OCA2: variants seen among roughly 807,000 people sequenced by gnomAD.
OCA2 encodes the protein P protein.
A neutral mutation model predicts 100.2 loss-of-function variants in OCA2; 77 were observed. That is an observed-to-expected ratio of 0.77 (90% confidence interval 0.64 to 0.93). OCA2 has a LOEUF of 0.93. Among genes scored for constraint, OCA2 ranks in the 40% least tolerant of loss-of-function variants. The pLI is 0.00. For missense variants in OCA2, 1,062 were observed against 1,089.1 expected (o/e 0.98, Z 0.35); for synonymous variants, 432 against 439.2 (o/e 0.98, Z 0.21).
At chr15:28,026,517 G>A (rs1480117327) in intron 4 of OCA2, among the ~76,000 whole-genome samples, 3 of 152,210 alleles carry the variant, frequency 2.0e-5, no homozygotes, top group Non-Finnish European at 4.4e-5. Flanking sequence ...TCATCAGGAA[G>A]AAGCTACAGG....
chr15:28,040,093 GCA>G (rs1388646692), intron 2 of OCA2, among the ~76,000 whole-genome samples: 1 of 151,850 alleles, frequency 6.6e-6, no homozygotes, highest in Non-Finnish European at 1.5e-5. Flanking sequence ...GACACCAGGA[GCA>G]CACATGCACT....
rs572016951 is a variant in OCA2, at chr15:27,978,625, CTTTACT to C, written c.1503+4714_1503+4719del. Reference sequence around the variant, plus strand: ...TGTTCTGATGAATCTTTTGCCATTCCTTTACTTTTAACTTGTGTCTATATGTATATA... The same window carrying C: ...TGTTCTGATGAATCTTTTGCCATTCCTTTAACTTGTGTCTATATGTATATA... On this transcript the variant is annotated intron_variant, in intron 14 of 23. Transcript: ENST00000354638. 2.9e-3 allele frequency among the ~76,000 whole-genome samples: 436 copies of C among 151,898 alleles called. 2 individuals are homozygous for C. Among genetic ancestry groups the C allele is most frequent in the Non-Finnish European group, 4.4e-3 (300 of 67,972 alleles).
downstream of OCA2, among the ~76,000 whole-genome samples, chr15:27,751,478 A>C (rs2030062750): frequency 6.6e-6 from 1 of 152,196 alleles, no homozygotes; most frequent in East Asian, 1.9e-4. Flanking sequence ...AATCATCAAA[A>C]ACAAGAAAAA....
At position 27,880,781 on chromosome 15, in the gene OCA2, A is replaced by C. The variant is rs978701689; in HGVS notation, c.2080-8859T>G. On this transcript the variant is annotated intron_variant, in intron 19 of 23. Coordinates refer to ENST00000354638, the MANE Select transcript of OCA2 (RefSeq NM_000275.3). ...GGACTGAGAGGATGGGGTTTTCTAGACATAGGATCATGTCATCTGCAAACA... is the reference window on the plus strand; with the variant it reads ...GGACTGAGAGGATGGGGTTTTCTAGCCATAGGATCATGTCATCTGCAAACA... Among the ~76,000 whole-genome samples the C allele has an allele frequency of 3.9e-5, 6 of 152,166 alleles. No individual in the cohort carries two copies. In the South Asian group the frequency reaches 1.2e-3, roughly 31 times the overall value.
chr15:27,843,365 G>C (rs1483173658), intron 23 of OCA2, among the ~76,000 whole-genome samples: 1 of 152,196 alleles, frequency 6.6e-6, no homozygotes, highest in Non-Finnish European at 1.5e-5. Flanking sequence ...TGTGCTCTGG[G>C]TCTGACCCTC....
At chr15:27,882,227 C>T (rs2594885) in intron 19 of OCA2, among the ~76,000 whole-genome samples, 64,076 of 151,946 alleles carry the variant, frequency 0.42, 15,359 homozygotes, top group African/African-American at 0.63. Flanking sequence ...TCCACAGCTG[C>T]ATGAGCTCTG....
At chr15:27,792,093 T>C (rs562115844) in intron 23 of OCA2, among the ~76,000 whole-genome samples, 119 of 152,300 alleles carry the variant, frequency 7.8e-4, no homozygotes, top group African/African-American at 2.8e-3. Flanking sequence ...TCACCATGCA[T>C]TGAGGGTTCT....
chr15:27,923,347 A>T (rs2038934145), intron 19 of OCA2, among the ~76,000 whole-genome samples: 1 of 152,172 alleles, frequency 6.6e-6, no homozygotes, highest in African/African-American at 2.4e-5. Flanking sequence ...AAGAATTTAT[A>T]TTCTTTTTTT....
chr15:27,830,983 T>C (rs1410313374), intron 23 of OCA2, among the ~76,000 whole-genome samples: 2 of 152,136 alleles, frequency 1.3e-5, no homozygotes, highest in African/African-American at 2.4e-5. Context: ...ATTTTACTTA[T>C]AAGTATAGAT....
At chr15:28,086,977 C>T (rs1246088175) in intron 1 of OCA2, among the ~76,000 whole-genome samples, 1 of 152,048 alleles carries the variant, frequency 6.6e-6, no homozygotes, top group Non-Finnish European at 1.5e-5. Flanking sequence ...AATCCAAATG[C>T]CAGAAGAAGA....
At position 28,041,629 on chromosome 15, in the gene OCA2, A is replaced by C. The variant is rs149509510; in HGVS notation, c.228-9466T>G. Reference sequence around the variant, plus strand: ...CAACTTTATGTGTAGAAAACTCTAAAGACTCCATTTTTAAAATCATTAGGA... The same window carrying C: ...CAACTTTATGTGTAGAAAACTCTAACGACTCCATTTTTAAAATCATTAGGA... On this transcript the variant is annotated intron_variant, in intron 2 of 23. Coordinates refer to ENST00000354638, the MANE Select transcript of OCA2 (RefSeq NM_000275.3). Among the ~76,000 whole-genome samples, 284 of 152,342 alleles carry C rather than the reference A, an allele frequency of 1.9e-3. 1 individual carries two copies. The highest frequency in any genetic ancestry group is 6.6e-3 in the African/African-American group (273 of 41,572).
chr15:27,893,054 T>C (rs997801173), intron 19 of OCA2, among the ~76,000 whole-genome samples: 13 of 152,216 alleles, frequency 8.5e-5, no homozygotes, highest in Non-Finnish European at 1.6e-4. Flanking sequence ...AGACGTTGAA[T>C]TATTAATTTG....
intron 18 of OCA2, among the ~76,000 whole-genome samples, chr15:27,944,259 T>A (rs566235710): frequency 2.6e-5 from 4 of 152,324 alleles, no homozygotes; most frequent in African/African-American, 7.2e-5. Flanking sequence ...ATCTGATCTA[T>A]CCAATCCCCT....
intron 18 of OCA2, among the ~76,000 whole-genome samples, chr15:27,926,806 G>T (rs1351665791): frequency 6.6e-6 from 1 of 151,842 alleles, no homozygotes; most frequent in Non-Finnish European, 1.5e-5. Flanking sequence ...TAGAGATGAG[G>T]TTTCACTATG....
intron 23 of OCA2, among the ~76,000 whole-genome samples, chr15:27,765,014 G>A (rs1175307373): frequency 6.6e-6 from 1 of 152,158 alleles, no homozygotes; most frequent in Non-Finnish European, 1.5e-5. Context: ...GGAAAGGGGT[G>A]GGCAATTCCC....
At chr15:27,728,868 G>C in the OCA2 span, among the ~76,000 whole-genome samples, 1 of 152,166 alleles carries the variant, frequency 6.6e-6, no homozygotes. Context: ...ATGCTTTTCT[G>C]ACAATAAATC....
At chr15:27,916,602 T>C (rs2038673215) in intron 19 of OCA2, among the ~76,000 whole-genome samples, 1 of 152,200 alleles carries the variant, frequency 6.6e-6, no homozygotes, top group Non-Finnish European at 1.5e-5. Flanking sequence ...TGCAGAAACA[T>C]GCTCCATTAT....
chr15:27,821,058 C>T (rs1397361907), intron 23 of OCA2, among the ~76,000 whole-genome samples: 1 of 152,096 alleles, frequency 6.6e-6, no homozygotes, highest in African/African-American at 2.4e-5. Context: ...TCAAGTGAGA[C>T]ATTGAGACAT....
chr15:27,730,377 C>G, the OCA2 span, among the ~76,000 whole-genome samples: 1 of 152,156 alleles, frequency 6.6e-6, no homozygotes, highest in African/African-American at 2.4e-5. Context: ...GGAGGGTACA[C>G]AGAACTTCCC....
Sources: allele counts gnomAD v4.1 joint callset (sites outside exome capture counted in the v4.1 genomes callset), GRCh38; gene constraint gnomAD v4.1.1; transcripts MANE v1.5; gene names NCBI Gene and HGNC (gene_info 2026-07-23, HGNC 2026-07-21).